Variants in RSL24D1 observed in about 807,000 individuals in gnomAD.
The protein encoded by RSL24D1 is probable ribosome biogenesis protein RLP24.
RSL24D1 carries 6 observed loss-of-function variants against 26.2 expected under a neutral mutation model. The observed-to-expected ratio is 0.23, with a 90% CI of 0.13 to 0.45. The LOEUF is 0.45. Ranked by LOEUF, RSL24D1 falls within the 20% of genes least tolerant of loss-of-function variation. RSL24D1 has a pLI of 0.99. For synonymous variants in RSL24D1, 61 were observed against 59.1 expected (o/e 1.03, Z -0.15); for missense variants, 176 against 202.6 (o/e 0.87, Z 0.80).
chr15:55,196,828 G>A lies in RSL24D1; in HGVS notation c.63C>T (p.Phe21=), dbSNP rs147851692. ...GCCTTACCTTGCAATCGTTGCGGAC[G>A]AACATCATGCCGTGTCCAGGATAGA... ...GPIYPGHGMM[F]VRNDCKVFRF... is the part of the protein sequence containing the mutation. Residue 21 remains phenylalanine (F), a synonymous_variant, in exon 1 of 6, where the codon TTC becomes TTT. Transcript: ENST00000260443. 4.6e-5 allele frequency: 75 copies of A among 1,614,162 alleles called. No homozygotes were observed. The Admixed American group carries it at 1.2e-3, about 27-fold the overall frequency.
At position 55,180,894 on chromosome 15, in the gene RSL24D1, A is replaced by G. The variant is rs751090222; in HGVS notation, c.*1258T>C. 3 of 152,158 alleles carry G rather than the reference A, an allele frequency of 2.0e-5. No individual in the cohort carries two copies. Among genetic ancestry groups the G allele is most frequent in the Non-Finnish European group, 4.4e-5 (3 of 68,026 alleles). 9.4% of individuals were successfully genotyped at this position (152,158 alleles called of 1,614,324 possible). On this transcript the variant is annotated 3_prime_UTR_variant, in exon 6 of 6. Transcript: ENST00000260443. ...TTTACAAATGTCTTTCCTCACATGT[A>G]TCATTTCCCCTAATCTTCAATCAAT...
chr15:55,191,841 T>C (rs1894301556), intron 2 of RSL24D1, among the ~76,000 whole-genome samples: 1 of 152,214 alleles, frequency 6.6e-6, no homozygotes. Flanking sequence ...ACGAGGTAAA[T>C]GGTAATCAGT....
At position 55,182,035 on chromosome 15, in the gene RSL24D1, T is replaced by C. The variant is rs1894172758; in HGVS notation, c.*117A>G. On this transcript the variant is annotated 3_prime_UTR_variant, in exon 6 of 6. Coordinates refer to ENST00000260443, the MANE Select transcript of RSL24D1 (RefSeq NM_016304.3). Reference sequence around the variant, plus strand: ...TATGTAGATGGCAATGCAGGAAAGATGTCTTTTAATCGCTTTTCATTTAAG... The same window carrying C: ...TATGTAGATGGCAATGCAGGAAAGACGTCTTTTAATCGCTTTTCATTTAAG... 1.6e-6 allele frequency: 1 copy of C among 637,654 alleles called. No homozygotes were observed. Among genetic ancestry groups the C allele is most frequent in the Non-Finnish European group, 2.8e-6 (1 of 356,518 alleles). The allele number at this position is 637,654 out of a possible 1,614,324, so 39.5% of individuals were successfully genotyped here.
intron 5 of RSL24D1, 25 bp from the exon 6 acceptor site, chr15:55,182,250 AAAC>A (rs755504242): frequency 1.4e-5 from 20 of 1,401,194 alleles, no homozygotes; most frequent in Non-Finnish European, 2.0e-5. Flanking sequence ...AGTAAAAAAT[AAAC>A]AACTTAATTA....
intron 4 of RSL24D1, among the ~76,000 whole-genome samples, 162 bp from the exon 5 acceptor site, chr15:55,183,562 C>A (rs1894192888): frequency 6.6e-6 from 1 of 152,128 alleles, no homozygotes; most frequent in East Asian, 1.9e-4. Context: ...TTCTTCTCCC[C>A]ACAACGCCCC....
intron 1 of RSL24D1, 41 bp from the exon 2 acceptor site, chr15:55,192,874 A>C (rs1894314204): frequency 7.2e-7 from 1 of 1,387,978 alleles, no homozygotes; most frequent in African/African-American, 1.4e-5. Flanking sequence ...AACATTAAAA[A>C]CTTTTCTATC....
chr15:55,189,603 T>C lies in RSL24D1; in HGVS notation c.268+1372A>G, dbSNP rs566957482. On this transcript the variant is annotated intron_variant, in intron 3 of 5. Transcript: ENST00000260443. ...TCTTAAAACATAAAGAGATTTTTTT[T>C]GCAATTTTTTTTTCCCTTAGCTCAT... Among the ~76,000 whole-genome samples the C allele has an allele frequency of 2.1e-4, 32 of 152,310 alleles. 1 individual carries two copies. Among genetic ancestry groups the C allele is most frequent in the South Asian group, 1.7e-3 (8 of 4,834 alleles).
intron 3 of RSL24D1, among the ~76,000 whole-genome samples, chr15:55,186,997 C>T (rs1432791150): frequency 6.6e-6 from 1 of 152,162 alleles, no homozygotes; most frequent in East Asian, 1.9e-4. Context: ...ACTCGTGCAA[C>T]TTTTCTGTAA....
chr15:55,196,187 T>A (rs932040879), intron 1 of RSL24D1, among the ~76,000 whole-genome samples: 6 of 152,152 alleles, frequency 3.9e-5, no homozygotes, highest in African/African-American at 1.4e-4. Flanking sequence ...TACAATCCAG[T>A]CACTTCCTCA....
chr15:55,196,251 C>A, intron 1 of RSL24D1: 1 of 442,436 alleles, frequency 2.3e-6, no homozygotes, highest in Non-Finnish European at 4.5e-6. Context: ...CACTTTCCTT[C>A]CACTTAGAAG....
At chr15:55,192,603 G>C (rs1370017179) in intron 2 of RSL24D1, 117 bp downstream of exon 2, 5 of 631,506 alleles carry the variant, frequency 7.9e-6, no homozygotes, top group Non-Finnish European at 1.4e-5. Context: ...ATACAAATAA[G>C]GTACTTATTA....
At chr15:55,192,899 C>G in intron 1 of RSL24D1, 66 bp from the exon 2 acceptor site, 1 of 988,062 alleles carries the variant, frequency 1.0e-6, no homozygotes, top group East Asian at 2.4e-5. Context: ...GACGTTACCC[C>G]TGCTAGACAA....
In RSL24D1 at chr15:55,196,902, G is replaced by C. The variant is rs1400808818; in HGVS notation, c.-12C>G. 1.2e-6 allele frequency: 2 copies of C among 1,613,730 alleles called. No individual in the cohort carries two copies. The highest frequency in any genetic ancestry group is 1.7e-5 in the Admixed American group (1 of 60,020). On this transcript the variant is annotated 5_prime_UTR_variant, in exon 1 of 6. Coordinates refer to ENST00000260443, the MANE Select transcript of RSL24D1 (RefSeq NM_016304.3). Reference sequence around the variant, plus strand: ...TTTTCGATACGCATGTTGAACCCGCGTGTAACCCCACCAAACAAACGCCAA... The same window carrying C: ...TTTTCGATACGCATGTTGAACCCGCCTGTAACCCCACCAAACAAACGCCAA...
chr15:55,190,933 C>A, intron 3 of RSL24D1, 42 bp downstream of exon 3: 1 of 1,315,398 alleles, frequency 7.6e-7, no homozygotes, highest in Non-Finnish European at 1.1e-6. Context: ...TTATCCCAAA[C>A]CAGTCTCTCC....
In RSL24D1 at chr15:55,192,724, G is replaced by A. The variant is rs1261974696; in HGVS notation, c.191C>T (p.Thr64Ile). 8 of 1,607,518 alleles carry A rather than the reference G, an allele frequency of 5.0e-6. No homozygotes were observed. In the East Asian group the frequency reaches 1.6e-4, roughly 31 times the overall value. The part of the protein sequence containing the change: ...AFRKAAGKEL[T>I]VDNSFEFEKR... ...TTGATAGCTAACCGTACTCACCACTGTAAGCTCTTTACCAGCTGCTTTCCG... is the reference window on the plus strand; with the variant it reads ...TTGATAGCTAACCGTACTCACCACTATAAGCTCTTTACCAGCTGCTTTCCG... The change falls in exon 2 of 6, where the codon ACA (threonine) becomes ATA (isoleucine). Residue 64 changes from threonine (T) to isoleucine (I), a missense_variant. Around this residue, in one of 3 missense-constraint regions of RSL24D1, gnomAD observed 89 missense variants for 135.1 expected, o/e 0.66. Coordinates refer to ENST00000260443, the MANE Select transcript of RSL24D1 (RefSeq NM_016304.3).
At chr15:55,184,116 C>T (rs1181270450) in intron 4 of RSL24D1, among the ~76,000 whole-genome samples, 1 of 152,136 alleles carries the variant, frequency 6.6e-6, no homozygotes, top group East Asian at 1.9e-4. Context: ...AGCCAGAAAG[C>T]TGCTGGCACG....
chr15:55,182,434 A>G lies in RSL24D1; in HGVS notation c.419-209T>C, dbSNP rs1225479541. The stretch of plus-strand genomic sequence containing the variant: ...ACATTTATTTGCTCATTTCACCCTC[A>G]TAACAACCCCCATTTTAAATATGAG... On this transcript the variant is annotated intron_variant, in intron 5 of 5. Coordinates refer to ENST00000260443, the MANE Select transcript of RSL24D1 (RefSeq NM_016304.3). Among the ~76,000 whole-genome samples, 3 of 152,188 alleles carry G rather than the reference A, an allele frequency of 2.0e-5. 1 individual carries two copies. The highest frequency in any genetic ancestry group is 7.2e-5 in the African/African-American group (3 of 41,450).
intron 3 of RSL24D1, among the ~76,000 whole-genome samples, chr15:55,189,219 G>C (rs1174556458): frequency 6.7e-6 from 1 of 148,808 alleles, no homozygotes; most frequent in Admixed American, 6.7e-5. Context: ...AAAAAGAAAT[G>C]CTTCAGGACT....
At chr15:55,188,620 T>G (rs1894249367) in intron 3 of RSL24D1, among the ~76,000 whole-genome samples, 1 of 152,204 alleles carries the variant, frequency 6.6e-6, no homozygotes, top group Admixed American at 6.5e-5. Context: ...AATTAAGAAC[T>G]GTAGAGAACA....
Sources: gnomAD v4.1 joint callset for allele counts (sites outside exome capture counted in the v4.1 genomes callset) on GRCh38, gnomAD v4.1.1 for gene constraint, gnomAD v4.1.1 regional missense constraint, MANE v1.5 for transcripts, NCBI Gene and HGNC (gene_info 2026-07-23, HGNC 2026-07-21) for gene names.